SHC4: variants seen among roughly 807,000 people sequenced by gnomAD.
SHC4 encodes the protein SHC adaptor protein 4, also known as SHC-transforming protein 4.
Under a neutral mutation model 69.4 loss-of-function variants are expected in SHC4, and 41 were observed. The observed-to-expected ratio is 0.59, with a 90% CI of 0.46 to 0.77. SHC4 has a LOEUF of 0.77. Among genes scored for constraint, SHC4 ranks in the 30% least tolerant of loss-of-function variants. The probability of loss-of-function intolerance (pLI) is 0.00; values close to 1 mark genes in which losing one functional copy is unlikely to be tolerated. For synonymous variants in SHC4, 318 were observed against 299.3 expected (o/e 1.06, Z -0.64); for missense variants, 777 against 783.8 (o/e 0.99, Z 0.10).
intron 2 of SHC4, among the ~76,000 whole-genome samples, chr15:48,921,757 C>G (rs1242049651): frequency 6.6e-6 from 1 of 152,208 alleles, no homozygotes; most frequent in Non-Finnish European, 1.5e-5. Flanking sequence ...CTTAATGCCA[C>G]TGAACTATAC....
At chr15:48,935,719 G>A (rs945111791) in intron 1 of SHC4, among the ~76,000 whole-genome samples, 4 of 152,144 alleles carry the variant, frequency 2.6e-5, no homozygotes, top group African/African-American at 4.8e-5. Flanking sequence ...TTGAAGAAGC[G>A]GGAGTAGGGC....
rs949000898 is a variant in SHC4, at chr15:48,825,802, A to T, written c.*169T>A. On this transcript the variant is annotated 3_prime_UTR_variant, in exon 12 of 12. Transcript: ENST00000332408. ...TTCTGATTTTCATTTCTGAAGACTA[A>T]TTTTTGTTAGTTCTTCATTTTATAG... 14 of 753,844 alleles carry T rather than the reference A, an allele frequency of 1.9e-5. No individual in the cohort carries two copies. In the African/African-American group the frequency reaches 2.5e-4, roughly 13 times the overall value. 46.7% of individuals were successfully genotyped at this position (753,844 alleles called of 1,614,324 possible).
chr15:48,893,431 G>C lies in SHC4; in HGVS notation c.657-2620C>G, dbSNP rs28548015. The stretch of plus-strand genomic sequence containing the variant: ...GCAAGTACTCAACTCTGCCATTGTA[G>C]CACAAAAAGCAGCCTTAGCCAATAT... On this transcript the variant is annotated intron_variant, in intron 2 of 11. Transcript: ENST00000332408. Among the ~76,000 whole-genome samples, 888 of 152,258 alleles carry C rather than the reference G, an allele frequency of 5.8e-3. 9 individuals are homozygous for C. The highest frequency in any genetic ancestry group is 0.02 in the African/African-American group (849 of 41,554).
chr15:48,883,422 G>A (rs1478345119), intron 4 of SHC4, among the ~76,000 whole-genome samples: 2 of 152,138 alleles, frequency 1.3e-5, no homozygotes, highest in East Asian at 3.9e-4. Context: ...CAGACTTTTA[G>A]CATGTTATTA....
intron 9 of SHC4, among the ~76,000 whole-genome samples, chr15:48,844,055 A>C (rs1424043038): frequency 1.3e-5 from 2 of 152,226 alleles, no homozygotes; most frequent in African/African-American, 4.8e-5. Flanking sequence ...GAACTAAATT[A>C]ATTTATAAAT....
At chr15:48,939,976 T>C (rs1901144710) in intron 1 of SHC4, among the ~76,000 whole-genome samples, 1 of 152,252 alleles carries the variant, frequency 6.6e-6, no homozygotes, top group African/African-American at 2.4e-5. Flanking sequence ...TAGGCAGAGA[T>C]GCCAAGAGGC....
At chr15:48,957,091 C>G (rs1361565558) in intron 1 of SHC4, among the ~76,000 whole-genome samples, 1 of 151,488 alleles carries the variant, frequency 6.6e-6, no homozygotes, top group Non-Finnish European at 1.5e-5. Flanking sequence ...AATCCTCCCA[C>G]CTCAGCCTCC....
intron 6 of SHC4, among the ~76,000 whole-genome samples, chr15:48,864,508 C>T (rs181682234): frequency 0.032 from 3,858 of 121,340 alleles, 60 homozygotes; most frequent in Middle Eastern, 0.12. Context: ...AGTGCAGTGG[C>T]GTGATCTTGG....
intron 2 of SHC4, among the ~76,000 whole-genome samples, chr15:48,920,594 T>C (rs1900733997): frequency 6.6e-6 from 1 of 151,958 alleles, no homozygotes; most frequent in Non-Finnish European, 1.5e-5. Context: ...TTTAAGTAGA[T>C]AAAAATAGAT....
chr15:48,906,314 G>A (rs558779495), intron 2 of SHC4, among the ~76,000 whole-genome samples: 23 of 152,230 alleles, frequency 1.5e-4, no homozygotes, highest in African/African-American at 5.5e-4. Context: ...CATATTTAGG[G>A]ATAATTTAAA....
intron 2 of SHC4, among the ~76,000 whole-genome samples, chr15:48,897,196 A>C (rs1167689199): frequency 2.6e-5 from 4 of 152,198 alleles, no homozygotes. Context: ...CCTGTATTAG[A>C]AAGAAAGAGA....
In SHC4 at chr15:48,884,338, A is replaced by G. The variant is rs774541700; in HGVS notation, c.750T>C (p.Leu250=). 2.5e-6 allele frequency: 4 copies of G among 1,610,326 alleles called. No individual in the cohort carries two copies. The highest frequency in any genetic ancestry group is 3.3e-4 in the Middle Eastern group (2 of 6,052). ...KPPVKFLSTV[L]GKSNLQFSGM... ...CTGAAAACTGAAGATTACTTTTGCC[A>G]AGGACTGTTGATAGGAACTTAACTG... Residue 250 remains leucine, a synonymous_variant, in exon 4 of 12, where the codon CTT becomes CTC. Coordinates refer to ENST00000332408, the MANE Select transcript of SHC4 (RefSeq NM_203349.4).
intron 11 of SHC4, among the ~76,000 whole-genome samples, chr15:48,830,169 G>T (rs1396553800): frequency 6.6e-6 from 1 of 151,978 alleles, no homozygotes; most frequent in East Asian, 1.9e-4. Context: ...TAGTGAATAG[G>T]CTTTAATTCC....
intron 8 of SHC4, among the ~76,000 whole-genome samples, chr15:48,852,191 G>A (rs941418532): frequency 3.9e-5 from 6 of 152,194 alleles, no homozygotes; most frequent in African/African-American, 1.4e-4. Context: ...AGAAGGTAGA[G>A]GAAGTGTGTA....
intron 2 of SHC4, among the ~76,000 whole-genome samples, chr15:48,912,986 G>A (rs979232028): frequency 6.6e-6 from 1 of 151,698 alleles, no homozygotes; most frequent in African/African-American, 2.4e-5. Flanking sequence ...TGTTCCAGTG[G>A]AGGGGGTGGG....
At position 48,945,039 on chromosome 15, in the gene SHC4, C is replaced by A. The variant is rs1175425452; in HGVS notation, c.585+17392G>T. On this transcript the variant is annotated intron_variant, in intron 1 of 11. Transcript: ENST00000332408. ...TATGTTTTTCTCTTAGGAGAGCAAC[C>A]CAGTCTTTCATTCAGAGCCCATTTA... 3.3e-5 allele frequency among the ~76,000 whole-genome samples: 5 copies of A among 152,100 alleles called. No individual in the cohort carries two copies. In the East Asian group the frequency reaches 7.7e-4, roughly 23 times the overall value.
At chr15:48,905,532 T>G (rs2141013789) in intron 2 of SHC4, among the ~76,000 whole-genome samples, 1 of 152,026 alleles carries the variant, frequency 6.6e-6, no homozygotes, top group East Asian at 1.9e-4. Context: ...TCTATCAAAA[T>G]CAAAATTAGA....
chr15:48,835,350 G>C (rs112008174), intron 10 of SHC4, among the ~76,000 whole-genome samples: 2 of 152,138 alleles, frequency 1.3e-5, no homozygotes, highest in Non-Finnish European at 1.5e-5. Flanking sequence ...CCTAGGGGTT[G>C]CATGTTAAAG....
intron 2 of SHC4, among the ~76,000 whole-genome samples, chr15:48,910,125 G>A (rs150157782): frequency 6.6e-6 from 1 of 152,046 alleles, no homozygotes; most frequent in Non-Finnish European, 1.5e-5. Flanking sequence ...ATGTCAAAAG[G>A]ATTGGTACCA....
Sources: gnomAD v4.1 joint callset for allele counts (sites outside exome capture counted in the v4.1 genomes callset) on GRCh38, gnomAD v4.1.1 for gene constraint, MANE v1.5 for transcripts, NCBI Gene and HGNC (gene_info 2026-07-23, HGNC 2026-07-21) for gene names.